The following CHKA variants were observed in gnomAD, a reference collection of about 807,000 sequenced individuals.
CHKA encodes the protein choline kinase alpha, also known as CHETK-alpha.
CHKA carries 34 observed loss-of-function variants against 60.1 expected under a neutral mutation model. The observed-to-expected ratio is 0.57, with a 90% CI of 0.43 to 0.75. The LOEUF (loss-of-function observed/expected upper bound fraction) is 0.75. CHKA is among the 30% of genes least tolerant of loss of function. The pLI is 0.00. For synonymous variants in CHKA, 217 were observed against 223.1 expected (o/e 0.97, Z 0.24); for missense variants, 563 against 561.3 (o/e 1.00, Z -0.03).
chr11:68,078,945 A>C (rs945456154), intron 3 of CHKA, among the ~76,000 whole-genome samples: 1 of 151,684 alleles, frequency 6.6e-6, no homozygotes, highest in Non-Finnish European at 1.5e-5. Flanking sequence ...AGATATTATT[A>C]TTATTATTTT....
At chr11:68,095,662 T>C (rs1224720719) in intron 2 of CHKA, among the ~76,000 whole-genome samples, 7 of 117,404 alleles carry the variant, frequency 6.0e-5, no homozygotes, top group Non-Finnish European at 1.1e-4. Context: ...TAAGCCGAGA[T>C]TGCACCACTG....
rs545796544 is a variant in CHKA, at chr11:68,072,743, GT to G, written c.631-1887del. On this transcript the variant is annotated intron_variant, in intron 4 of 11. Transcript: ENST00000265689. ...GCAGTGGTTCACACCTGTAATCCTG[GT>G]GACTTAGGAGGCTGAGACAGGAGAA... Among the ~76,000 whole-genome samples the G allele has an allele frequency of 6.8e-3, 1,028 of 152,060 alleles. 7 individuals are homozygous for G. Among genetic ancestry groups the G allele is most frequent in the Non-Finnish European group, 9.4e-3 (637 of 67,972 alleles).
intron 11 of CHKA, among the ~76,000 whole-genome samples, chr11:68,057,002 G>A (rs1294547131): frequency 1.3e-5 from 2 of 152,220 alleles, no homozygotes; most frequent in Non-Finnish European, 2.9e-5. Context: ...GGTGTTGGAA[G>A]TGGGGGGCAG....
chr11:68,068,808 C>T, intron 7 of CHKA, 71 bp downstream of exon 7: 1 of 1,020,712 alleles, frequency 9.8e-7, no homozygotes, highest in African/African-American at 1.6e-5. Flanking sequence ...TTACATTTTT[C>T]AGACACACTG....
chr11:68,104,897 G>A (rs1185117314), intron 1 of CHKA, among the ~76,000 whole-genome samples: 1 of 150,394 alleles, frequency 6.6e-6, no homozygotes, highest in African/African-American at 2.4e-5. Flanking sequence ...CTGAGGTCAG[G>A]AGTTCAAGAC....
At position 68,069,137 on chromosome 11, in the gene CHKA, G is replaced by A. The variant is rs370220444; in HGVS notation, c.870-200C>T. Among the ~76,000 whole-genome samples, 36 of 152,098 alleles carry A rather than the reference G, an allele frequency of 2.4e-4. 1 individual carries two copies. The South Asian group carries it at 5.6e-3, about 24-fold the overall frequency. ...GCCCTCTGCACTCAGCTCTTCCCCCGGAGGACCTCTGCATGTGCCGCTCCC... is the reference window on the plus strand; with the variant it reads ...GCCCTCTGCACTCAGCTCTTCCCCCAGAGGACCTCTGCATGTGCCGCTCCC... On this transcript the variant is annotated intron_variant, in intron 6 of 11. Coordinates refer to ENST00000265689, the MANE Select transcript of CHKA (RefSeq NM_001277.3).
chr11:68,088,767 G>A (rs75664616), intron 2 of CHKA, among the ~76,000 whole-genome samples: 142 of 151,814 alleles, frequency 9.4e-4, no homozygotes, highest in Non-Finnish European at 1.7e-3. Flanking sequence ...ATTCTTTCTC[G>A]AACTCCTGAC....
chr11:68,082,534 G>A (rs1857019202), intron 2 of CHKA: 1 of 152,546 alleles, frequency 6.6e-6, no homozygotes, highest in Non-Finnish European at 1.5e-5. Flanking sequence ...TACCAAGGGT[G>A]GAAAGTGTGG....
chr11:68,092,206 T>C (rs1388779097), intron 2 of CHKA, among the ~76,000 whole-genome samples: 1 of 152,234 alleles, frequency 6.6e-6, no homozygotes, highest in African/African-American at 2.4e-5. Flanking sequence ...TCTTTAACCA[T>C]GATGTGATTT....
At chr11:68,100,937 CTTTTTTTTT>C (rs758101816) in intron 1 of CHKA, among the ~76,000 whole-genome samples, 6 of 78,210 alleles carry the variant, frequency 7.7e-5, no homozygotes, top group African/African-American at 1.8e-4. Context: ...TAAAGAGGTT[CTTTTTTTTT>C]TTTTTTTTTT....
chr11:68,091,670 A>C (rs1403599344), intron 2 of CHKA, among the ~76,000 whole-genome samples: 1 of 152,206 alleles, frequency 6.6e-6, no homozygotes, highest in Non-Finnish European at 1.5e-5. Context: ...CTTAACCCTT[A>C]GAGAACTGTA....
chr11:68,069,368 G>C (rs371134394), intron 6 of CHKA, among the ~76,000 whole-genome samples: 95 of 152,230 alleles, frequency 6.2e-4, no homozygotes, highest in African/African-American at 2.3e-3. Flanking sequence ...TAGCAGAGGA[G>C]GCACAAACCT....
chr11:68,065,671 A>G, intron 9 of CHKA, 115 bp downstream of exon 9: 1 of 726,556 alleles, frequency 1.4e-6, no homozygotes, highest in South Asian at 1.6e-5. Flanking sequence ...ACTGCACTCC[A>G]GCCTGGGAAA....
Position 68,060,799 on chromosome 11 carries a change from G to C in CHKA, c.1314+1154C>G, listed in dbSNP as rs372378440. 2.0e-4 allele frequency among the ~76,000 whole-genome samples: 30 copies of C among 152,302 alleles called. No individual in the cohort carries two copies. The East Asian group carries it at 5.0e-3, about 25-fold the overall frequency. ...GTTACGAAGTGTGCTTTGTCGTACA[G>C]TATCATTTGACCATGACTCAAATCT... On this transcript the variant is annotated intron_variant, in intron 11 of 11. Transcript: ENST00000265689.
chr11:68,079,495 A>G (rs745686960), intron 3 of CHKA, among the ~76,000 whole-genome samples: 3 of 151,852 alleles, frequency 2.0e-5, no homozygotes, highest in Admixed American at 6.6e-5. Flanking sequence ...ACGCCTGGCT[A>G]ATTTTTTTTG....
At chr11:68,101,761 G>A (rs1194311487) in intron 1 of CHKA, among the ~76,000 whole-genome samples, 1 of 152,018 alleles carries the variant, frequency 6.6e-6, no homozygotes, top group East Asian at 1.9e-4. Flanking sequence ...ACAAATAAAT[G>A]GAACAATATC....
chr11:68,059,029 TG>T (rs973435997), intron 11 of CHKA, among the ~76,000 whole-genome samples: 5 of 152,196 alleles, frequency 3.3e-5, no homozygotes, highest in African/African-American at 9.7e-5. Flanking sequence ...CCTGAGTAGC[TG>T]GGATTACAGG....
intron 2 of CHKA, among the ~76,000 whole-genome samples, chr11:68,084,354 ATATATACACATATATACGTATATGTG>A (rs1335518026): frequency 5.1e-4 from 71 of 139,300 alleles, no homozygotes; most frequent in African/African-American, 1.3e-3. Context: ...ATGTGTATAT[ATATATACACATATATACGTATATGTG>A]TATATATATA....
chr11:68,072,466 G>A (rs1467355072), intron 4 of CHKA, among the ~76,000 whole-genome samples: 3 of 149,510 alleles, frequency 2.0e-5, no homozygotes, highest in Non-Finnish European at 3.0e-5. Flanking sequence ...AGGATCACTT[G>A]AGCCTGGGAG....
Sources: allele counts gnomAD v4.1 joint callset (sites outside exome capture counted in the v4.1 genomes callset), GRCh38; gene constraint gnomAD v4.1.1; transcripts MANE v1.5; gene names NCBI Gene and HGNC (gene_info 2026-07-23, HGNC 2026-07-21).